CDH10: variants seen among roughly 807,000 people sequenced by gnomAD.
CDH10 encodes the protein cadherin-10.
Under a neutral mutation model 73.1 loss-of-function variants are expected in CDH10, and 30 were observed. The observed-to-expected ratio is 0.41, with a 90% CI of 0.31 to 0.56. CDH10 has a LOEUF of 0.56. Among genes scored for constraint, CDH10 ranks in the 20% least tolerant of loss-of-function variants. The pLI, the probability that CDH10 is intolerant of heterozygous loss-of-function variation, is 0.27. For missense variants in CDH10, 815 were observed against 973.7 expected (o/e 0.84, Z 2.17); for synonymous variants, 345 against 348.2 (o/e 0.99, Z 0.10).
chr5:24,513,450 C>A (rs1428946821), intron 5 of CDH10, among the ~76,000 whole-genome samples: 5 of 152,070 alleles, frequency 3.3e-5, no homozygotes, highest in African/African-American at 1.2e-4. Flanking sequence ...CTATGCCAAG[C>A]CAAGGAGAGA....
chr5:24,537,132 T>C (rs1299554253), intron 3 of CDH10, among the ~76,000 whole-genome samples: 2 of 151,982 alleles, frequency 1.3e-5, no homozygotes, highest in Non-Finnish European at 2.9e-5. Flanking sequence ...TGAAGTTCAA[T>C]GATATTTTCT....
Position 24,509,545 on chromosome 5 carries a change from AT to A in CDH10, c.1256+20del, listed in dbSNP as rs1482050079. ...TGAGCCACCGAGCCCGGCTGTTTTCATTTTTAAAAGGCACACTTACCTAATG... is the reference window on the plus strand; with the variant it reads ...TGAGCCACCGAGCCCGGCTGTTTTCATTTTAAAAGGCACACTTACCTAATG... On this transcript the variant is annotated intron_variant, in intron 7 of 11. Coordinates refer to ENST00000264463, the MANE Select transcript of CDH10 (RefSeq NM_006727.5). 1.2e-6 allele frequency: 2 copies of A among 1,610,758 alleles called. No homozygotes were observed. Among genetic ancestry groups the A allele is most frequent in the African/African-American group, 2.7e-5 (2 of 74,606 alleles).
At chr5:24,643,739 TAAG>T in intron 1 of CDH10, among the ~76,000 whole-genome samples, 1 of 152,298 alleles carries the variant, frequency 6.6e-6, no homozygotes, top group East Asian at 1.9e-4. Flanking sequence ...TTTTTCATAA[TAAG>T]GAGACAGTAG....
At chr5:24,519,142 CA>C (rs1033618775) in intron 5 of CDH10, among the ~76,000 whole-genome samples, 4 of 152,000 alleles carry the variant, frequency 2.6e-5, no homozygotes, top group African/African-American at 9.7e-5. Context: ...CCACCTGCCT[CA>C]GCCTCCCAAA....
chr5:24,494,955 GT>G (rs998057552), intron 9 of CDH10, among the ~76,000 whole-genome samples: 29 of 150,958 alleles, frequency 1.9e-4, no homozygotes, highest in South Asian at 6.3e-4. Flanking sequence ...AAGATAATAG[GT>G]TTTTTTTTCC....
chr5:24,610,668 A>G (rs1298644806), intron 1 of CDH10, among the ~76,000 whole-genome samples: 2 of 152,188 alleles, frequency 1.3e-5, no homozygotes, highest in Non-Finnish European at 2.9e-5. Flanking sequence ...TTTCCTGGCA[A>G]TATTCTCATC....
intron 1 of CDH10, among the ~76,000 whole-genome samples, chr5:24,604,333 C>A (rs1173613043): frequency 6.6e-6 from 1 of 151,858 alleles, no homozygotes; most frequent in Non-Finnish European, 1.5e-5. Flanking sequence ...GGTGACGAAG[C>A]AAAATTCTGT....
intron 8 of CDH10, among the ~76,000 whole-genome samples, chr5:24,498,740 G>C (rs1742383429): frequency 6.6e-6 from 1 of 151,982 alleles, no homozygotes; most frequent in Non-Finnish European, 1.5e-5. Context: ...TTATTATTTT[G>C]GAAAATCATG....
At chr5:24,582,121 G>A (rs1476051728) in intron 2 of CDH10, among the ~76,000 whole-genome samples, 2 of 152,076 alleles carry the variant, frequency 1.3e-5, no homozygotes, top group Non-Finnish European at 2.9e-5. Flanking sequence ...TAATGTACAT[G>A]AGTATCAGGA....
intron 8 of CDH10, among the ~76,000 whole-genome samples, chr5:24,500,517 T>C (rs1455205372): frequency 6.6e-6 from 1 of 152,242 alleles, no homozygotes; most frequent in East Asian, 1.9e-4. Flanking sequence ...AGGTTTAGCG[T>C]TCAGGCCCTG....
At chr5:24,606,425 A>G (rs552601075) in intron 1 of CDH10, among the ~76,000 whole-genome samples, 1 of 152,238 alleles carries the variant, frequency 6.6e-6, no homozygotes, top group East Asian at 1.9e-4. Flanking sequence ...AGCTTGGCCA[A>G]CAGGGTGAAA....
At chr5:24,590,285 AT>A (rs1006389260) in intron 2 of CDH10, among the ~76,000 whole-genome samples, 40 of 149,140 alleles carry the variant, frequency 2.7e-4, no homozygotes, top group East Asian at 9.8e-4. Flanking sequence ...CCTCCTCTTA[AT>A]TTTTTTTTTC....
intron 8 of CDH10, among the ~76,000 whole-genome samples, chr5:24,499,004 T>A (rs544445884): frequency 6.6e-6 from 1 of 152,286 alleles, no homozygotes; most frequent in Admixed American, 6.5e-5. Flanking sequence ...GAAGGGGACC[T>A]GAGCGGGTTG....
intron 2 of CDH10, among the ~76,000 whole-genome samples, chr5:24,581,609 T>C (rs777655967): frequency 7.9e-5 from 12 of 152,210 alleles, no homozygotes; most frequent in Non-Finnish European, 1.3e-4. Context: ...CAGAAAATAC[T>C]TGGTGTTCCA....
intron 2 of CDH10, among the ~76,000 whole-genome samples, chr5:24,539,175 T>C (rs1372546949): frequency 1.3e-5 from 2 of 151,948 alleles, no homozygotes; most frequent in African/African-American, 4.8e-5. Flanking sequence ...GAGACAATAA[T>C]CTTCAATTAT....
chr5:24,584,183 C>A (rs556549767), intron 2 of CDH10, among the ~76,000 whole-genome samples: 38 of 152,090 alleles, frequency 2.5e-4, no homozygotes, highest in African/African-American at 8.4e-4. Context: ...CAGGCTACAT[C>A]AAGTTTCAAA....
chr5:24,532,914 A>T (rs1743800962), intron 5 of CDH10, among the ~76,000 whole-genome samples: 4 of 151,984 alleles, frequency 2.6e-5, no homozygotes, highest in Admixed American at 2.0e-4. Context: ...CCCTCCAAAG[A>T]TTGTCTATTT....
chr5:24,512,425 T>C (rs1742950034), intron 5 of CDH10, among the ~76,000 whole-genome samples: 1 of 152,238 alleles, frequency 6.6e-6, no homozygotes, highest in South Asian at 2.1e-4. Context: ...GTTTTTACTA[T>C]GCTATATTTA....
At chr5:24,581,971 T>A (rs1386539825) in intron 2 of CDH10, among the ~76,000 whole-genome samples, 1 of 152,176 alleles carries the variant, frequency 6.6e-6, no homozygotes, top group African/African-American at 2.4e-5. Context: ...AGTTAAGATG[T>A]TGACATCAAA....
Sources: gnomAD v4.1 joint callset for allele counts (sites outside exome capture counted in the v4.1 genomes callset) on GRCh38, gnomAD v4.1.1 for gene constraint, MANE v1.5 for transcripts, NCBI Gene and HGNC (gene_info 2026-07-23, HGNC 2026-07-21) for gene names.